Variants in SLC35F2 observed in about 807,000 individuals in gnomAD.
SLC35F2 encodes solute carrier family 35 member F2.
Under a neutral mutation model 38.1 loss-of-function variants are expected in SLC35F2, and 25 were observed. The observed-to-expected ratio is 0.66, with a 90% CI of 0.48 to 0.92. The LOEUF is 0.92. Among genes scored for constraint, SLC35F2 ranks in the 40% least tolerant of loss-of-function variants. The pLI, the probability that SLC35F2 is intolerant of heterozygous loss-of-function variation, is 0.00. For missense variants in SLC35F2, 409 were observed against 452.9 expected (o/e 0.90, Z 0.88); for synonymous variants, 173 against 181.7 (o/e 0.95, Z 0.38).
chr11:107,850,948 G>A lies in SLC35F2; in HGVS notation c.110+7710C>T, dbSNP rs1860172625. Among the ~76,000 whole-genome samples, 3 of 152,118 alleles carry A rather than the reference G, an allele frequency of 2.0e-5. No homozygotes were observed. In the South Asian group the frequency reaches 6.2e-4, roughly 32 times the overall value. ...GGATCACCTGAGGTTGGGAATTCGC[G>A]ACTAGCCTGGCCAACATGGTGAAAC... On this transcript the variant is annotated intron_variant, in intron 1 of 7. Coordinates refer to ENST00000525815, the MANE Select transcript of SLC35F2 (RefSeq NM_017515.5).
In SLC35F2 at chr11:107,791,058, T is replaced by C. The variant is rs1389608661; in HGVS notation, c.*1557A>G. Reference sequence around the variant, plus strand: ...TACTCCCCATTTCTTTTTTACATTGTTACAAAAAATTTACATACAGTTTTC... The same window carrying C: ...TACTCCCCATTTCTTTTTTACATTGCTACAAAAAATTTACATACAGTTTTC... On this transcript the variant is annotated 3_prime_UTR_variant, in exon 8 of 8. Transcript: ENST00000525815. 1.9e-4 allele frequency: 29 copies of C among 152,636 alleles called. No individual in the cohort carries two copies. The highest frequency in any genetic ancestry group is 1.9e-3 in the Admixed American group (29 of 15,270). 9.5% of individuals were successfully genotyped at this position (152,636 alleles called of 1,614,324 possible). A position where few individuals can be genotyped will look rare whatever the true frequency, so the allele number is the denominator to read the frequency against.
At chr11:107,858,474 C>G (rs116206330) in intron 1 of SLC35F2, 184 bp downstream of exon 1, 1 of 466,488 alleles carries the variant, frequency 2.1e-6, no homozygotes, top group East Asian at 3.6e-5. Flanking sequence ...CCAAGTGCTT[C>G]CCGACGCCAG....
chr11:107,791,503 G>C lies in SLC35F2; in HGVS notation c.*1112C>G, dbSNP rs1299657994. The C allele has an allele frequency of 6.6e-6, 1 of 152,190 alleles. No individual in the cohort carries two copies. Among genetic ancestry groups the C allele is most frequent in the African/African-American group, 2.4e-5 (1 of 41,450 alleles). The allele number at this position is 152,190 out of a possible 1,614,324, so 9.4% of individuals were successfully genotyped here. A position where few individuals can be genotyped will look rare whatever the true frequency, so the allele number is the denominator to read the frequency against. On this transcript the variant is annotated 3_prime_UTR_variant, in exon 8 of 8. Transcript: ENST00000525815. The stretch of plus-strand genomic sequence containing the variant: ...TGGGACTGAAACTGTGGAGCACATA[G>C]CCAGTGTCACAGGCTCCGAGAGCAG...
At chr11:107,804,837 A>G in intron 5 of SLC35F2, 67 bp from the exon 6 acceptor site, 1 of 1,370,424 alleles carries the variant, frequency 7.3e-7, no homozygotes, top group Non-Finnish European at 1.0e-6. Context: ...TAAGCATTTT[A>G]GTCACTATAC....
At chr11:107,857,960 C>T (rs1438703644) in intron 1 of SLC35F2, among the ~76,000 whole-genome samples, 1 of 152,182 alleles carries the variant, frequency 6.6e-6, no homozygotes, top group Non-Finnish European at 1.5e-5. Flanking sequence ...CTATTTAGGT[C>T]CTGGGTTCTC....
chr11:107,842,287 T>TAAAAAAAAAAAAAAA (rs1292690214), intron 1 of SLC35F2, among the ~76,000 whole-genome samples: 37 of 71,152 alleles, frequency 5.2e-4, no homozygotes, highest in South Asian at 1.7e-3. Flanking sequence ...AAAAAAAAAT[T>TAAAAAAAAAAAAAAA]AAAGCTTGAC....
intron 3 of SLC35F2, 53 bp from the exon 4 acceptor site, chr11:107,806,929 A>G: frequency 2.0e-6 from 3 of 1,533,188 alleles, no homozygotes; most frequent in Non-Finnish European, 2.7e-6. Context: ...TAGCTAAAAG[A>G]TGGGTAATTA....
chr11:107,858,272 G>A (rs1476785270), intron 1 of SLC35F2, among the ~76,000 whole-genome samples: 3 of 152,214 alleles, frequency 2.0e-5, no homozygotes, highest in African/African-American at 4.8e-5. Context: ...GGGCGCCGGC[G>A]CCAGGAAGTG....
At chr11:107,831,735 CAAGTGT>C (rs1426483727) in intron 1 of SLC35F2, among the ~76,000 whole-genome samples, 2 of 152,140 alleles carry the variant, frequency 1.3e-5, no homozygotes, top group Non-Finnish European at 2.9e-5. Context: ...CCTTTCTTTT[CAAGTGT>C]AAGTGTAAGT....
intron 1 of SLC35F2, among the ~76,000 whole-genome samples, chr11:107,841,901 A>G (rs1860016989): frequency 6.6e-6 from 1 of 151,982 alleles, no homozygotes; most frequent in African/African-American, 2.4e-5. Context: ...CGTTTCTACT[A>G]AAAATACACA....
chr11:107,821,989 G>C (rs1859678514), intron 1 of SLC35F2, among the ~76,000 whole-genome samples: 1 of 152,202 alleles, frequency 6.6e-6, no homozygotes, highest in African/African-American at 2.4e-5. Flanking sequence ...TGTAATCCCA[G>C]CACTTTGGGA....
At chr11:107,802,589 T>C (rs1325019765) in intron 7 of SLC35F2, among the ~76,000 whole-genome samples, 1 of 152,238 alleles carries the variant, frequency 6.6e-6, no homozygotes, top group Non-Finnish European at 1.5e-5. Flanking sequence ...CCATCTCTCT[T>C]TCCTTTCCAT....
rs369203044 is a variant in SLC35F2, at chr11:107,805,889, G to T, written c.575-374C>A. 1.3e-3 allele frequency among the ~76,000 whole-genome samples: 194 copies of T among 152,052 alleles called. 1 individual carries two copies. The highest frequency in any genetic ancestry group is 4.6e-3 in the African/African-American group (190 of 41,488). On this transcript the variant is annotated intron_variant, in intron 4 of 7. Transcript: ENST00000525815. ...TTGAACTCCTGACCTCAAGTGATCCGCTCACCTTGGCCTCCCAAAGTACTG... is the reference window on the plus strand; with the variant it reads ...TTGAACTCCTGACCTCAAGTGATCCTCTCACCTTGGCCTCCCAAAGTACTG...
chr11:107,844,537 G>A (rs946760703), intron 1 of SLC35F2, among the ~76,000 whole-genome samples: 1 of 142,348 alleles, frequency 7.0e-6, no homozygotes, highest in African/African-American at 2.6e-5. Flanking sequence ...AAGCAGAATC[G>A]CTTGAACCCG....
At chr11:107,818,118 A>AAG (rs1491362239) in intron 1 of SLC35F2, among the ~76,000 whole-genome samples, 3 of 147,400 alleles carry the variant, frequency 2.0e-5, no homozygotes, top group Non-Finnish European at 3.0e-5. Flanking sequence ...GAAAGAAAGA[A>AAG]AGAAAGAAAG....
intron 1 of SLC35F2, chr11:107,823,208 T>A: frequency 1.0e-6 from 1 of 985,324 alleles, no homozygotes; most frequent in Non-Finnish European, 1.2e-6. Flanking sequence ...GTCTCCCAGA[T>A]GAGTCTAAGA....
intron 7 of SLC35F2, among the ~76,000 whole-genome samples, chr11:107,799,879 T>TTTTG (rs1555082158): frequency 9.6e-5 from 11 of 114,954 alleles, no homozygotes; most frequent in African/African-American, 3.5e-4. Context: ...TTTTTTTTGT[T>TTTTG]TTTGTTTGTT....
chr11:107,812,010 T>G (rs530696316), intron 2 of SLC35F2, among the ~76,000 whole-genome samples: 1 of 152,218 alleles, frequency 6.6e-6, no homozygotes, highest in East Asian at 1.9e-4. Context: ...CAAGCCATCC[T>G]CCCACCTCAG....
chr11:107,792,609 C>T lies in SLC35F2; in HGVS notation c.*6G>A, dbSNP rs541813367. 1.9e-6 allele frequency: 3 copies of T among 1,602,678 alleles called. No individual in the cohort carries two copies. In the South Asian group the frequency reaches 3.4e-5, roughly 18 times the overall value. ...TGGTGGGGGATGGGTGCGCCATCTTCTCCAGCTACAAGACAGCAGAGTGGG... is the reference window on the plus strand; with the variant it reads ...TGGTGGGGGATGGGTGCGCCATCTTTTCCAGCTACAAGACAGCAGAGTGGG... On this transcript the variant is annotated 3_prime_UTR_variant, in exon 8 of 8. Coordinates refer to ENST00000525815, the MANE Select transcript of SLC35F2 (RefSeq NM_017515.5).
Sources: gnomAD v4.1 joint callset for allele counts (sites outside exome capture counted in the v4.1 genomes callset) on GRCh38, gnomAD v4.1.1 for gene constraint, MANE v1.5 for transcripts, NCBI Gene and HGNC (gene_info 2026-07-23, HGNC 2026-07-21) for gene names.